The following IMPA2 variants were observed in gnomAD, a reference collection of about 807,000 sequenced individuals.
IMPA2 encodes the protein IMP 2.
IMPA2 carries 32 observed loss-of-function variants against 35.1 expected under a neutral mutation model. That is an observed-to-expected ratio of 0.91 (90% CI 0.69 to 1.23). The LOEUF (loss-of-function observed/expected upper bound fraction) is 1.23, where lower values mean the gene tolerates loss of function less well. Among genes scored for constraint, IMPA2 ranks in the 50% most tolerant of loss-of-function variants. IMPA2 has a pLI of 0.00. For synonymous variants in IMPA2, 135 were observed against 160.6 expected (o/e 0.84, Z 1.20); for missense variants, 334 against 387.6 (o/e 0.86, Z 1.16).
chr18:11,996,999 A>AACAC (rs544635466), intron 1 of IMPA2, among the ~76,000 whole-genome samples: 5 of 150,100 alleles, frequency 3.3e-5, no homozygotes, highest in Admixed American at 3.3e-4. Context: ...ACACCACAGC[A>AACAC]ACACACACAC....
At chr18:12,029,035 C>A in intron 7 of IMPA2, 42 bp downstream of exon 7, 1 of 1,585,164 alleles carries the variant, frequency 6.3e-7, no homozygotes. Flanking sequence ...AGAAACTAGA[C>A]TGAGAGACAC....
At chr18:12,014,090 C>T (rs1907507661) in intron 4 of IMPA2, among the ~76,000 whole-genome samples, 175 bp from the exon 5 acceptor site, 1 of 152,210 alleles carries the variant, frequency 6.6e-6, no homozygotes, top group Non-Finnish European at 1.5e-5. Flanking sequence ...GTCCAGGTCT[C>T]ATTTTAAATG....
intron 1 of IMPA2, among the ~76,000 whole-genome samples, chr18:11,992,352 G>A (rs549686921): frequency 6.6e-6 from 1 of 152,324 alleles, no homozygotes; most frequent in East Asian, 1.9e-4. Flanking sequence ...CTCTGGCAAG[G>A]CTCCGGCGTG....
At chr18:11,982,084 T>C (rs2143767849) in intron 1 of IMPA2, among the ~76,000 whole-genome samples, 1 of 152,268 alleles carries the variant, frequency 6.6e-6, no homozygotes, top group African/African-American at 2.4e-5. Flanking sequence ...TGTTGATTTT[T>C]AAGGACCTAT....
At chr18:11,990,131 T>C (rs1279993446) in intron 1 of IMPA2, among the ~76,000 whole-genome samples, 2 of 152,166 alleles carry the variant, frequency 1.3e-5, no homozygotes, top group African/African-American at 2.4e-5. Context: ...TGAGCCAGTC[T>C]CAGGATCCTG....
rs567059082 is a variant in IMPA2 at position 11,985,731 on chromosome 18, A to G, written c.96+3966A>G. 5.9e-5 allele frequency among the ~76,000 whole-genome samples: 9 copies of G among 152,248 alleles called. 1 individual carries two copies. The highest frequency in any genetic ancestry group is 1.9e-4 in the African/African-American group (8 of 41,546). On this transcript the variant is annotated intron_variant, in intron 1 of 7. Coordinates refer to ENST00000269159, the MANE Select transcript of IMPA2 (RefSeq NM_014214.3). Reference sequence around the variant, plus strand: ...TCACCATGCCAGGTGGGTCGGCGTGATGGACAGGGGAGTATGCCTGGAAGC... The same window carrying G: ...TCACCATGCCAGGTGGGTCGGCGTGGTGGACAGGGGAGTATGCCTGGAAGC...
intron 5 of IMPA2, among the ~76,000 whole-genome samples, chr18:12,023,080 C>T (rs1371243499): frequency 6.6e-6 from 1 of 151,308 alleles, no homozygotes. Context: ...CAGGCATGAG[C>T]CACTGCACCC....
At chr18:12,002,889 C>T (rs7244276) in intron 2 of IMPA2, among the ~76,000 whole-genome samples, 64,327 of 151,364 alleles carry the variant, frequency 0.42, 15,930 homozygotes, top group African/African-American at 0.67. Flanking sequence ...TGAGACCCTG[C>T]CTCAAAACAA....
At chr18:12,025,683 G>A (rs1016629570) in intron 5 of IMPA2, among the ~76,000 whole-genome samples, 30 of 152,294 alleles carry the variant, frequency 2.0e-4, no homozygotes, top group Admixed American at 6.5e-4. Context: ...AGGTTCAAGC[G>A]ATTCTCCTGC....
intron 6 of IMPA2, chr18:12,028,445 G>A (rs936035462): frequency 6.6e-6 from 3 of 455,300 alleles, no homozygotes; most frequent in Non-Finnish European, 7.9e-6. Flanking sequence ...CTTCCCGAGG[G>A]GGCCTGGCGT....
chr18:12,013,923 C>G (rs1907503222), intron 4 of IMPA2, among the ~76,000 whole-genome samples: 1 of 152,152 alleles, frequency 6.6e-6, no homozygotes. Flanking sequence ...AAGTAACATT[C>G]TTTTTTTCAG....
rs138876745 is a variant in IMPA2 at position 12,027,567 on chromosome 18, A to ATTTTTT, written c.491-458_491-453dup. 1.4e-3 allele frequency among the ~76,000 whole-genome samples: 129 copies of ATTTTTT among 90,952 alleles called. 9 individuals carry two copies. The highest frequency in any genetic ancestry group is 4.6e-3 in the African/African-American group (101 of 22,064). The allele number at this position is 90,952 out of a possible 152,430, so 59.7% of individuals were successfully genotyped here. ...TTTTCTTTTTGGTTGAATGATGGTG[A>ATTTTTT]TTTTTTTTTTTTTTTTTTTTTTTAA... On this transcript the variant is annotated intron_variant, in intron 5 of 7. Coordinates refer to ENST00000269159, the MANE Select transcript of IMPA2 (RefSeq NM_014214.3).
intron 1 of IMPA2, among the ~76,000 whole-genome samples, chr18:11,989,163 G>T (rs1467042167): frequency 6.6e-6 from 1 of 152,178 alleles, no homozygotes; most frequent in Non-Finnish European, 1.5e-5. Flanking sequence ...TTTGCCGTCG[G>T]ATGAGCTCAG....
chr18:11,987,185 A>G (rs987114485), intron 1 of IMPA2, among the ~76,000 whole-genome samples: 1 of 152,172 alleles, frequency 6.6e-6, no homozygotes, highest in African/African-American at 2.4e-5. Context: ...CTCATTCACT[A>G]GGTCTGGAGT....
chr18:12,025,350 A>T (rs192334892), intron 5 of IMPA2, among the ~76,000 whole-genome samples: 4 of 152,354 alleles, frequency 2.6e-5, no homozygotes, highest in Non-Finnish European at 5.9e-5. Flanking sequence ...TGAAAGTTTT[A>T]TGTGAAAACA....
intron 1 of IMPA2, among the ~76,000 whole-genome samples, chr18:11,998,031 G>A (rs1295132736): frequency 6.6e-6 from 1 of 152,202 alleles, no homozygotes; most frequent in Non-Finnish European, 1.5e-5. Context: ...GCTGGGTGCA[G>A]TACCATGTGC....
At chr18:12,012,688 T>TA (rs540386768) in intron 4 of IMPA2, among the ~76,000 whole-genome samples, 74 of 152,306 alleles carry the variant, frequency 4.9e-4, no homozygotes, top group African/African-American at 1.6e-3. Context: ...AACTACACAG[T>TA]GTTGTGCGAC....
chr18:12,011,220 A>G (rs1405301065), intron 3 of IMPA2, among the ~76,000 whole-genome samples: 3 of 152,296 alleles, frequency 2.0e-5, no homozygotes, highest in South Asian at 4.1e-4. Context: ...TGACTGGGAA[A>G]AGAGCAGCAA....
chr18:11,986,921 G>A (rs996251316), intron 1 of IMPA2, among the ~76,000 whole-genome samples: 4 of 152,194 alleles, frequency 2.6e-5, no homozygotes, highest in Non-Finnish European at 5.9e-5. Context: ...GGTTCAGCCC[G>A]GCAGTGTATT....
Sources: allele counts gnomAD v4.1 joint callset (sites outside exome capture counted in the v4.1 genomes callset), GRCh38; gene constraint gnomAD v4.1.1; transcripts MANE v1.5; gene names NCBI Gene and HGNC (gene_info 2026-07-23, HGNC 2026-07-21).